DYNC2H1: variants seen among roughly 807,000 people sequenced by gnomAD.
DYNC2H1 encodes dynein cytoplasmic 2 heavy chain 1.
DYNC2H1 carries 410 observed loss-of-function variants against 570.0 expected under a neutral mutation model. The observed-to-expected ratio is 0.72, with a 90% CI of 0.66 to 0.78. DYNC2H1 has a LOEUF of 0.78. Among genes scored for constraint, DYNC2H1 ranks in the 30% least tolerant of loss-of-function variants. The pLI is 0.00. For missense variants in DYNC2H1, 4,865 were observed against 5,046.4 expected (o/e 0.96, Z 1.09); for synonymous variants, 1,688 against 1,677.6 (o/e 1.01, Z -0.15).
chr11:103,197,723 T>C (rs1862557338), intron 47 of DYNC2H1, among the ~76,000 whole-genome samples: 1 of 152,150 alleles, frequency 6.6e-6, no homozygotes, highest in Non-Finnish European at 1.5e-5. Flanking sequence ...GCGGGTATTA[T>C]AGGCGTGGGC....
At chr11:103,434,628 T>A (rs189375604) in intron 84 of DYNC2H1, among the ~76,000 whole-genome samples, 3 of 152,276 alleles carry the variant, frequency 2.0e-5, no homozygotes, top group African/African-American at 7.2e-5. Context: ...ATCGGTTGTC[T>A]TGCTGCAGAA....
chr11:103,466,634 T>C (rs1007923770), intron 87 of DYNC2H1, among the ~76,000 whole-genome samples: 2 of 152,150 alleles, frequency 1.3e-5, no homozygotes, highest in African/African-American at 2.4e-5. Flanking sequence ...AGAGGAAACC[T>C]GAATGGCTAA....
intron 83 of DYNC2H1, among the ~76,000 whole-genome samples, chr11:103,388,622 A>G (rs1941993873): frequency 6.6e-6 from 1 of 152,304 alleles, no homozygotes; most frequent in South Asian, 2.1e-4. Context: ...CCCATTCAGT[A>G]TGATATTGGC....
intron 85 of DYNC2H1, among the ~76,000 whole-genome samples, chr11:103,440,357 A>T (rs562624): frequency 0.044 from 6,700 of 152,164 alleles, 505 homozygotes; most frequent in African/African-American, 0.15. Flanking sequence ...CTTACAGTTC[A>T]TTTTAAACTT....
At chr11:103,117,900 G>A (rs1158101650) in intron 6 of DYNC2H1, 37 bp downstream of exon 6, 1 of 1,510,838 alleles carries the variant, frequency 6.6e-7, no homozygotes, top group South Asian at 1.2e-5. Context: ...GTCTTTAAAT[G>A]TAAAGTGTAT....
intron 13 of DYNC2H1, among the ~76,000 whole-genome samples, chr11:103,131,214 T>C (rs1051723724): frequency 2.6e-5 from 4 of 152,158 alleles, no homozygotes; most frequent in African/African-American, 9.7e-5. Context: ...TTATAATTTT[T>C]CCCCTAATCA....
chr11:103,164,940 A>T (rs1200066702), intron 30 of DYNC2H1, among the ~76,000 whole-genome samples: 1 of 152,198 alleles, frequency 6.6e-6, no homozygotes, highest in East Asian at 1.9e-4. Flanking sequence ...ACATTTTTAT[A>T]TGAAAATCAA....
chr11:103,334,348 G>A lies in DYNC2H1; in HGVS notation c.12039+10358G>A, dbSNP rs1198912472. On this transcript the variant is annotated intron_variant, in intron 82 of 88. Transcript: ENST00000375735. This position sits in a 1 kb window ranked among gnomAD's most constrained non-coding sequence, Gnocchi z 4.3. ...ATTTAGGTATTTCTGGCACGGATAG[G>A]GTAGAACAGAATTTGGCTACAAGGA... Among the ~76,000 whole-genome samples, 1 of 151,970 alleles carries A rather than the reference G, an allele frequency of 6.6e-6. No individual in the cohort carries two copies. The highest frequency in any genetic ancestry group is 2.4e-5 in the African/African-American group (1 of 41,384).
At chr11:103,148,827 G>A (rs914832718) in intron 20 of DYNC2H1, among the ~76,000 whole-genome samples, 11 of 152,166 alleles carry the variant, frequency 7.2e-5, no homozygotes. Flanking sequence ...GGGAGGCCGA[G>A]GCAGGCAGAT....
At chr11:103,419,832 A>G (rs1943418779) in intron 84 of DYNC2H1, among the ~76,000 whole-genome samples, 1 of 152,056 alleles carries the variant, frequency 6.6e-6, no homozygotes, top group African/African-American at 2.4e-5. Context: ...TAATAACGAA[A>G]TTTGCTGAGC....
chr11:103,383,395 G>A (rs1043324547), intron 83 of DYNC2H1, among the ~76,000 whole-genome samples: 4 of 152,008 alleles, frequency 2.6e-5, no homozygotes, highest in South Asian at 2.1e-4. Context: ...TCATTTGCAC[G>A]TCCTTTATTG....
chr11:103,176,360 G>A lies in DYNC2H1; in HGVS notation c.5800G>A (p.Val1934Met). The change falls in exon 37 of 89, where the codon GTG becomes ATG. Residue 1934 changes from valine (V) to methionine (M), a missense_variant. Around this residue, in one of 5 missense-constraint regions of DYNC2H1, gnomAD observed 292 missense variants for 300.2 expected, o/e 0.97. Coordinates refer to ENST00000375735, the MANE Select transcript of DYNC2H1 (RefSeq NM_001377.3). The part of the protein sequence containing the change: ...DVFPGIELKE[V>M]EYDELSAALK... ...CTTTCCGGGAATTGAATTGAAAGAA[G>A]TGGAATATGATGAACTAAGTGCTGC... 6.3e-7 allele frequency: 1 copy of A among 1,593,856 alleles called. No individual in the cohort carries two copies. The highest frequency in any genetic ancestry group is 1.7e-5 in the Admixed American group (1 of 57,596).
At chr11:103,462,851 T>C (rs1945064772) in intron 87 of DYNC2H1, among the ~76,000 whole-genome samples, 1 of 152,198 alleles carries the variant, frequency 6.6e-6, no homozygotes, top group Admixed American at 6.5e-5. Flanking sequence ...TGTTGACCTG[T>C]ATATCTTTCT....
At chr11:103,466,035 T>C (rs1193872256) in intron 87 of DYNC2H1, among the ~76,000 whole-genome samples, 2 of 152,130 alleles carry the variant, frequency 1.3e-5, no homozygotes, top group East Asian at 3.8e-4. Context: ...ATTATTATTG[T>C]TATCATTATT....
In DYNC2H1 at chr11:103,297,642, G is replaced by A. The variant is rs146572589; in HGVS notation, c.11096-5451G>A. 1.8e-3 allele frequency among the ~76,000 whole-genome samples: 278 copies of A among 152,186 alleles called. 1 individual carries two copies. The highest frequency in any genetic ancestry group is 6.1e-3 in the African/African-American group (255 of 41,564). ...ATAGAAAAGATACAGTAAAAATACA[G>A]CATTATAATCTTATGGAACAACCAT... On this transcript the variant is annotated intron_variant, in intron 75 of 88. Transcript: ENST00000375735.
At chr11:103,276,188 T>C (rs920829608) in intron 70 of DYNC2H1, among the ~76,000 whole-genome samples, 6 of 151,352 alleles carry the variant, frequency 4.0e-5, no homozygotes, top group Non-Finnish European at 7.4e-5. Flanking sequence ...TATTGAGTAC[T>C]ACACACACAC....
intron 55 of DYNC2H1, among the ~76,000 whole-genome samples, chr11:103,216,805 A>G (rs1036704435): frequency 2.0e-5 from 3 of 151,408 alleles, no homozygotes; most frequent in African/African-American, 7.3e-5. Flanking sequence ...AAAAAAATTC[A>G]ATTTTATCTG....
rs372505501 is a variant in DYNC2H1, at chr11:103,321,261, A to G, written c.11934+24A>G. On this transcript the variant is annotated intron_variant, in intron 81 of 88. Coordinates refer to ENST00000375735, the MANE Select transcript of DYNC2H1 (RefSeq NM_001377.3). ...TGGTAGGTAAAATGAATGATTTTCA[A>G]TCTATTTCCAGGTAGATACGTGAAT... 2.5e-4 allele frequency: 395 copies of G among 1,569,850 alleles called. 6 individuals carry two copies. The South Asian group carries it at 3.6e-3, about 14-fold the overall frequency.
rs1938491577 is a variant in DYNC2H1 at position 103,326,527 on chromosome 11, G to A, written c.12039+2537G>A. Among the ~76,000 whole-genome samples, 1 of 152,196 alleles carries A rather than the reference G, an allele frequency of 6.6e-6. No individual in the cohort carries two copies. Among genetic ancestry groups the A allele is most frequent in the Non-Finnish European group, 1.5e-5 (1 of 68,024 alleles). The stretch of plus-strand genomic sequence containing the variant: ...CAGCTCCAGTGTTGGCCGCAGATCT[G>A]GGCTCGGTACTCCTGAGCTGCAGAC... On this transcript the variant is annotated intron_variant, in intron 82 of 88. Coordinates refer to ENST00000375735, the MANE Select transcript of DYNC2H1 (RefSeq NM_001377.3). The surrounding 1 kb of genome is among the most constrained non-coding windows in gnomAD (Gnocchi z 6.1).
Sources: gnomAD v4.1 joint callset for allele counts (sites outside exome capture counted in the v4.1 genomes callset) on GRCh38, gnomAD v4.1.1 for gene constraint, gnomAD v4.1.1 regional missense constraint, Gnocchi (gnomAD v3.1) non-coding constraint, MANE v1.5 for transcripts, NCBI Gene and HGNC (gene_info 2026-07-23, HGNC 2026-07-21) for gene names.